Variants in ARHGAP32 observed in about 807,000 individuals in gnomAD.
The protein encoded by ARHGAP32 is Rho GTPase activating protein 32.
In ARHGAP32, 51 loss-of-function variants were observed where a neutral mutation model predicts 186.5. That is an observed-to-expected ratio of 0.27 (90% CI 0.22 to 0.35). ARHGAP32 has a LOEUF of 0.35. ARHGAP32 is among the 10% of genes least tolerant of loss of function. ARHGAP32 has a pLI of 1.00. For missense variants in ARHGAP32, 2,186 were observed against 2,623.5 expected, an observed-to-expected ratio of 0.83 and a Z score of 3.64; for synonymous variants, 950 against 964.3, an observed-to-expected ratio of 0.99 and a Z score of 0.27.
chr11:129,057,746 G>A (rs1326572638), intron 10 of ARHGAP32, among the ~76,000 whole-genome samples: 2 of 151,112 alleles, frequency 1.3e-5, no homozygotes, highest in African/African-American at 4.9e-5. Context: ...ACTCGCAAAG[G>A]TCAAACACAC....
At chr11:129,180,342 T>C (rs1251054379) in intron 1 of ARHGAP32, among the ~76,000 whole-genome samples, 1 of 152,136 alleles carries the variant, frequency 6.6e-6, no homozygotes, top group Non-Finnish European at 1.5e-5. Context: ...TAAGTTACCT[T>C]TGGGAGAAGT....
At chr11:129,141,803 T>G (rs1367020254) in intron 2 of ARHGAP32, among the ~76,000 whole-genome samples, 1 of 151,916 alleles carries the variant, frequency 6.6e-6, no homozygotes, top group South Asian at 2.1e-4. Context: ...TTTTTTTTCT[T>G]TTCACTTTTC....
At chr11:129,127,337 G>A (rs1387576665) in intron 2 of ARHGAP32, among the ~76,000 whole-genome samples, 1 of 152,182 alleles carries the variant, frequency 6.6e-6, no homozygotes, top group African/African-American at 2.4e-5. Flanking sequence ...AATTAGGCCA[G>A]TGAACCAAAC....
chr11:129,009,812 T>C (rs1937983095), intron 11 of ARHGAP32, among the ~76,000 whole-genome samples: 1 of 152,176 alleles, frequency 6.6e-6, no homozygotes, highest in South Asian at 2.1e-4. Flanking sequence ...TGCGTGTATC[T>C]TTAAAACAGA....
intron 1 of ARHGAP32, among the ~76,000 whole-genome samples, chr11:129,245,842 G>C (rs941106446): frequency 6.6e-6 from 1 of 152,026 alleles, no homozygotes; most frequent in African/African-American, 2.4e-5. Context: ...TACGACCAGT[G>C]TTTAGGGGTG....
At chr11:129,062,820 C>A (rs1276883009) in intron 9 of ARHGAP32, among the ~76,000 whole-genome samples, 1 of 152,138 alleles carries the variant, frequency 6.6e-6, no homozygotes. Context: ...GAGCTCTTGA[C>A]ATATCTTATT....
intron 5 of ARHGAP32, among the ~76,000 whole-genome samples, chr11:129,112,544 T>A (rs990103538): frequency 1.2e-4 from 18 of 152,168 alleles, no homozygotes; most frequent in African/African-American, 4.3e-4. Context: ...ATTTGGCTGC[T>A]TCATGGTACA....
At chr11:129,249,842 C>G (rs1945155315) in intron 1 of ARHGAP32, among the ~76,000 whole-genome samples, 1 of 152,130 alleles carries the variant, frequency 6.6e-6, no homozygotes, top group African/African-American at 2.4e-5. Flanking sequence ...TGCTGGTACT[C>G]TGAAATCCAG....
chr11:129,263,568 GGAGGAGAAGGAGGAA>G (rs779655763), intron 1 of ARHGAP32, among the ~76,000 whole-genome samples: 19,661 of 142,546 alleles, frequency 0.14, 1,421 homozygotes, highest in Admixed American at 0.17. Flanking sequence ...AAAAGGAGGA[GGAGGAGAAGGAGGAA>G]GAGGAGGAGA....
At position 129,086,038 on chromosome 11, in the gene ARHGAP32, A is replaced by G. The variant is rs369051678; in HGVS notation, c.531+7583T>C. ...CAAACAAAAAAAAAAAACAAAAAAA[A>G]GAAGCCATACTAATCAAGACAGCAT... On this transcript the variant is annotated intron_variant, in intron 6 of 22. Transcript: ENST00000682385. Among the ~76,000 whole-genome samples the G allele has an allele frequency of 4.9e-4, 75 of 152,072 alleles. 1 individual carries two copies. Among genetic ancestry groups the G allele is most frequent in the Admixed American group, 1.6e-3 (25 of 15,282 alleles).
intron 5 of ARHGAP32, among the ~76,000 whole-genome samples, chr11:129,094,691 C>T (rs1941680827): frequency 6.6e-6 from 1 of 152,158 alleles, no homozygotes; most frequent in Admixed American, 6.5e-5. Context: ...ATTCATCATG[C>T]TACTTGCTTT....
intron 1 of ARHGAP32, among the ~76,000 whole-genome samples, chr11:129,165,529 TCTCTGCA>T (rs1943618239): frequency 6.7e-6 from 1 of 148,308 alleles, no homozygotes; most frequent in South Asian, 2.3e-4. Flanking sequence ...TTCTCCAGAC[TCTCTGCA>T]AATCTTTCGT....
intron 2 of ARHGAP32, among the ~76,000 whole-genome samples, chr11:129,163,856 C>T (rs1243562246): frequency 6.6e-6 from 1 of 152,116 alleles, no homozygotes; most frequent in African/African-American, 2.4e-5. Context: ...GCTTTCCACC[C>T]ACCCAAACCA....
At chr11:129,232,898 C>T (rs1045825496) in intron 1 of ARHGAP32, among the ~76,000 whole-genome samples, 1 of 152,154 alleles carries the variant, frequency 6.6e-6, no homozygotes, top group Non-Finnish European at 1.5e-5. Context: ...TCTTTTACTT[C>T]CCTCTCTCTT....
intron 15 of ARHGAP32, 145 bp downstream of exon 15, chr11:128,985,858 G>GTATA (rs1555063867): frequency 0.031 from 2,947 of 95,820 alleles, 70 homozygotes; most frequent in Non-Finnish European, 0.04. Context: ...GTGTGTGTGT[G>GTATA]TATATATATA....
intron 1 of ARHGAP32, among the ~76,000 whole-genome samples, chr11:129,198,048 A>G (rs1944416167): frequency 1.3e-5 from 2 of 152,224 alleles, no homozygotes; most frequent in Admixed American, 1.3e-4. Flanking sequence ...AACATAACAG[A>G]AAAGGTCTAC....
At chr11:129,045,295 T>C (rs1939763594) in intron 10 of ARHGAP32, among the ~76,000 whole-genome samples, 2 of 152,190 alleles carry the variant, frequency 1.3e-5, no homozygotes, top group Non-Finnish European at 2.9e-5. Flanking sequence ...TGACCATAAG[T>C]GAAAAGCTGA....
upstream of ARHGAP32, among the ~76,000 whole-genome samples, chr11:129,192,836 TC>T (rs957794678): frequency 6.6e-6 from 1 of 152,080 alleles, no homozygotes; most frequent in African/African-American, 2.4e-5. Flanking sequence ...TTGTCCACAG[TC>T]CTTGAAAGAA....
At chr11:129,028,602 G>A (rs1358127985) in intron 11 of ARHGAP32, among the ~76,000 whole-genome samples, 1 of 152,192 alleles carries the variant, frequency 6.6e-6, no homozygotes, top group Non-Finnish European at 1.5e-5. Flanking sequence ...TAATTCAACA[G>A]GCATTCGTTG....
Sources: gnomAD v4.1 joint callset for allele counts (sites outside exome capture counted in the v4.1 genomes callset) on GRCh38, gnomAD v4.1.1 for gene constraint, MANE v1.5 for transcripts, NCBI Gene and HGNC (gene_info 2026-07-23, HGNC 2026-07-21) for gene names.